The following SPG7 variants were observed in gnomAD, a reference collection of about 807,000 sequenced individuals.
SPG7 encodes the protein mitochondrial inner membrane m-AAA protease component paraplegin.
Under a neutral mutation model 81.9 loss-of-function variants are expected in SPG7, and 103 were observed. The ratio of observed to expected loss-of-function variants is 1.26; its 90% CI spans 1.07 to 1.48. The LOEUF (loss-of-function observed/expected upper bound fraction) is 1.48. SPG7 is among the 40% of genes most tolerant of loss of function. The probability of loss-of-function intolerance (pLI) is 0.00; values close to 1 mark genes in which losing one functional copy is unlikely to be tolerated. For missense variants in SPG7, 1,241 were observed against 1,087.3 expected (o/e 1.14, Z -1.99); for synonymous variants, 534 against 444.2 (o/e 1.20, Z -2.54).
intron 9 of SPG7, chr16:89,541,423 G>A (rs1422812043): frequency 2.6e-6 from 2 of 768,074 alleles, no homozygotes; most frequent in Non-Finnish European, 3.2e-6. Context: ...TGGGGATGGA[G>A]AACGGGTTAC....
intron 7 of SPG7, 94 bp from the exon 8 acceptor site, chr16:89,531,810 C>A: frequency 7.4e-7 from 1 of 1,344,202 alleles, no homozygotes; most frequent in Non-Finnish European, 1.1e-6. Context: ...ACCCACTGCA[C>A]TCCAGCCTGC....
intron 7 of SPG7, 42 bp from the exon 8 acceptor site, chr16:89,531,862 A>C: frequency 6.2e-7 from 1 of 1,611,728 alleles, no homozygotes; most frequent in Non-Finnish European, 8.5e-7. Context: ...AAAAAAACGG[A>C]ATCCCCAAGT....
intron 3 of SPG7, 151 bp from the exon 4 acceptor site, chr16:89,523,855 A>T (rs750501381): frequency 2.0e-6 from 2 of 993,654 alleles, no homozygotes; most frequent in South Asian, 2.7e-5. Flanking sequence ...GTCTCTGATA[A>T]CGTCAGGGAA....
At chr16:89,526,530 A>G (rs1161732144) in intron 5 of SPG7, 62 bp downstream of exon 5, 2 of 1,577,792 alleles carry the variant, frequency 1.3e-6, no homozygotes, top group African/African-American at 1.3e-5. Context: ...AATCTGAGAA[A>G]CAGATTGCAA....
chr16:89,508,682 C>T, intron 1 of SPG7, 82 bp downstream of exon 1: 6 of 1,330,304 alleles, frequency 4.5e-6, no homozygotes, highest in Non-Finnish European at 6.0e-6. Flanking sequence ...GGTCGGAGGC[C>T]GCCTGGCCCC....
intron 16 of SPG7, 163 bp from the exon 17 acceptor site, chr16:89,556,724 C>T: frequency 1.5e-6 from 1 of 687,524 alleles, no homozygotes; most frequent in East Asian, 2.5e-5. Context: ...GGGGGTGATT[C>T]TTCTTTCGGA....
chr16:89,550,400 T>C, intron 12 of SPG7, 94 bp from the exon 13 acceptor site: 1 of 850,562 alleles, frequency 1.2e-6, no homozygotes, highest in South Asian at 1.3e-5. Context: ...CTCGAACTCC[T>C]GTCCTCAGGT....
chr16:89,513,819 G>C (rs1460906805), intron 3 of SPG7, among the ~76,000 whole-genome samples: 1 of 152,228 alleles, frequency 6.6e-6, no homozygotes, highest in East Asian at 1.9e-4. Context: ...CCTGGCCTTG[G>C]AAGGCGAGTG....
At chr16:89,529,071 C>A (rs1018857923) in intron 5 of SPG7, 94 of 287,754 alleles carry the variant, frequency 3.3e-4, no homozygotes, top group South Asian at 3.1e-3. Context: ...CACGGCCTCC[C>A]AAAGTGCTAG....
intron 9 of SPG7, chr16:89,544,348 C>CT (rs1011406223): frequency 5.0e-6 from 2 of 399,276 alleles, no homozygotes; most frequent in Non-Finnish European, 9.6e-6. Context: ...TTAGGACCGG[C>CT]TCCCAGATGG....
At position 89,531,884 on chromosome 16, in the gene SPG7, C is replaced by G; in HGVS notation, c.988-20C>G. The stretch of plus-strand genomic sequence containing the variant: ...CGGAATCCCCAAGTAGTTAGTGTTG[C>G]ATTGTCTGCTGCCGTCCAGAGCCCA... On this transcript the variant is annotated intron_variant, in intron 7 of 16. Transcript: ENST00000645818. 5.0e-6 allele frequency: 8 copies of G among 1,613,904 alleles called. No individual in the cohort carries two copies. Among genetic ancestry groups the G allele is most frequent in the Non-Finnish European group, 6.8e-6 (8 of 1,179,820 alleles).
At chr16:89,553,696 G>A (rs750568363) in intron 14 of SPG7, 98 bp from the exon 15 acceptor site, 1 of 1,197,220 alleles carries the variant, frequency 8.4e-7, no homozygotes, top group African/African-American at 1.5e-5. Context: ...GGGGATGGAG[G>A]TGGTGCTGCC....
At chr16:89,537,283 G>A (rs1393026713) in intron 9 of SPG7, 3 of 1,305,010 alleles carry the variant, frequency 2.3e-6, no homozygotes, top group Non-Finnish European at 2.9e-6. Context: ...GCGGACCCCA[G>A]AGCCCCCGGG....
intron 12 of SPG7, chr16:89,549,334 C>G (rs2058606077): frequency 4.7e-6 from 2 of 425,288 alleles, no homozygotes; most frequent in Non-Finnish European, 9.5e-6. Context: ...TGAAGCCTCA[C>G]CAGTAAGCTG....
At chr16:89,533,953 C>G (rs115795319) in intron 9 of SPG7, among the ~76,000 whole-genome samples, 1 of 152,152 alleles carries the variant, frequency 6.6e-6, no homozygotes, top group Non-Finnish European at 1.5e-5. Flanking sequence ...GCGATGGTCT[C>G]GCCTGTGAAC....
intron 6 of SPG7, 163 bp downstream of exon 6, chr16:89,529,742 G>A (rs1410836106): frequency 1.9e-5 from 13 of 690,792 alleles, no homozygotes; most frequent in African/African-American, 8.8e-5. Context: ...TGGTCCGGCT[G>A]TAAGGCGTGT....
intron 1 of SPG7, among the ~76,000 whole-genome samples, chr16:89,510,070 GT>G (rs1368034738): frequency 6.6e-6 from 1 of 152,028 alleles, no homozygotes; most frequent in Non-Finnish European, 1.5e-5. Context: ...TGCCTCCCGG[GT>G]TCAAGCGATT....
At chr16:89,510,650 C>T (rs1042143048) in intron 2 of SPG7, 58 bp downstream of exon 2, 5 of 1,025,668 alleles carry the variant, frequency 4.9e-6, no homozygotes, top group Admixed American at 1.7e-5. Flanking sequence ...GCCTCAGCTA[C>T]TTGGGAGGCT....
At chr16:89,531,163 G>A (rs1015985740) in intron 7 of SPG7, 6 of 384,450 alleles carry the variant, frequency 1.6e-5, no homozygotes, top group South Asian at 2.2e-5. Context: ...TCACTTACAC[G>A]TTTCCTCCGC....
Sources: allele counts gnomAD v4.1 joint callset (sites outside exome capture counted in the v4.1 genomes callset), GRCh38; gene constraint gnomAD v4.1.1; transcripts MANE v1.5; gene names NCBI Gene and HGNC (gene_info 2026-07-23, HGNC 2026-07-21).